The following STPG2 variants were observed in gnomAD, a reference collection of about 807,000 sequenced individuals.
The protein encoded by STPG2 is sperm-tail PG-rich repeat-containing protein 2.
A neutral mutation model predicts 54.2 loss-of-function variants in STPG2; 56 were observed. The observed-to-expected ratio is 1.03, with a 90% confidence interval of 0.83 to 1.29. STPG2 has a LOEUF of 1.29. Among genes scored for constraint, STPG2 ranks in the 50% most tolerant of loss-of-function variants. The probability of loss-of-function intolerance (pLI) is 0.00; values close to 1 mark genes in which losing one functional copy is unlikely to be tolerated. For missense variants in STPG2, 596 were observed against 544.9 expected (o/e 1.09, Z -0.93); for synonymous variants, 200 against 181.8 (o/e 1.10, Z -0.81).
intron 10 of STPG2, among the ~76,000 whole-genome samples, chr4:97,685,351 A>T (rs1434519277): frequency 6.6e-6 from 1 of 152,180 alleles, no homozygotes; most frequent in African/African-American, 2.4e-5. Flanking sequence ...ACTATGGAAC[A>T]TCCACACAAT....
At position 97,831,230 on chromosome 4, in the gene STPG2, G is replaced by A. The variant is rs1281471504; in HGVS notation, c.1204+9543C>T. ...CAGGATTAAAAGCTAACTCAAAACCGCACAACTACATGGAAACTGAACAAT... is the reference window on the plus strand; with the variant it reads ...CAGGATTAAAAGCTAACTCAAAACCACACAACTACATGGAAACTGAACAAT... On this transcript the variant is annotated intron_variant, in intron 9 of 10. Transcript: ENST00000295268. 5.9e-5 allele frequency among the ~76,000 whole-genome samples: 9 copies of A among 152,170 alleles called. No individual in the cohort carries two copies. In the East Asian group the frequency reaches 9.7e-4, roughly 16 times the overall value.
chr4:97,948,809 T>A (rs1733350829), intron 7 of STPG2, among the ~76,000 whole-genome samples: 1 of 152,130 alleles, frequency 6.6e-6, no homozygotes, highest in Non-Finnish European at 1.5e-5. Flanking sequence ...TCACATTTAT[T>A]GAGACTTGTT....
chr4:97,971,401 C>A (rs552597248), intron 7 of STPG2, among the ~76,000 whole-genome samples: 1 of 152,218 alleles, frequency 6.6e-6, no homozygotes, highest in South Asian at 2.1e-4. Flanking sequence ...TGGAACCAAT[C>A]CAAATGTCTA....
chr4:97,451,623 G>A (rs1389014798), intron 4 of STPG2, among the ~76,000 whole-genome samples: 1 of 152,012 alleles, frequency 6.6e-6, no homozygotes, highest in African/African-American at 2.4e-5. Flanking sequence ...AATACAGAAG[G>A]AAATAAGATC....
At chr4:98,003,048 T>C (rs1040926150) in intron 5 of STPG2, among the ~76,000 whole-genome samples, 6 of 152,118 alleles carry the variant, frequency 3.9e-5, no homozygotes, top group African/African-American at 1.4e-4. Context: ...TTCATTTCTC[T>C]TGCTAGCTTC....
intron 10 of STPG2, among the ~76,000 whole-genome samples, chr4:97,646,160 G>A (rs1721905968): frequency 6.6e-6 from 1 of 152,130 alleles, no homozygotes; most frequent in African/African-American, 2.4e-5. Context: ...ATGTGGTTTT[G>A]AAGATTTGTG....
intron 9 of STPG2, among the ~76,000 whole-genome samples, chr4:97,785,202 T>C (rs1395477778): frequency 6.6e-6 from 1 of 152,010 alleles, no homozygotes; most frequent in Non-Finnish European, 1.5e-5. Context: ...TAATAGAAAT[T>C]AAATGAAAAC....
At chr4:98,030,398 T>C (rs1271502493) in intron 5 of STPG2, among the ~76,000 whole-genome samples, 1 of 152,208 alleles carries the variant, frequency 6.6e-6, no homozygotes, top group African/African-American at 2.4e-5. Context: ...AATTCAGTAT[T>C]GTATCTGGCT....
intron 4 of STPG2, among the ~76,000 whole-genome samples, chr4:97,505,830 T>A (rs1430284644): frequency 6.6e-6 from 1 of 151,692 alleles, no homozygotes; most frequent in African/African-American, 2.4e-5. Flanking sequence ...AATTTATTAG[T>A]GGATGTATTA....
At chr4:97,674,566 TG>T (rs1722785408) in intron 10 of STPG2, among the ~76,000 whole-genome samples, 1 of 152,202 alleles carries the variant, frequency 6.6e-6, no homozygotes, top group Admixed American at 6.5e-5. Context: ...AAGATGGTGC[TG>T]AATCCTCTAC....
intron 10 of STPG2, among the ~76,000 whole-genome samples, chr4:97,565,218 G>C (rs964822188): frequency 6.6e-6 from 1 of 152,030 alleles, no homozygotes; most frequent in Non-Finnish European, 1.5e-5. Context: ...TCTTCCAGTT[G>C]ATCACATCAG....
At chr4:97,768,910 C>T (rs1726137107) in intron 9 of STPG2, among the ~76,000 whole-genome samples, 1 of 152,072 alleles carries the variant, frequency 6.6e-6, no homozygotes, top group Non-Finnish European at 1.5e-5. Context: ...CCACGTTAGC[C>T]AGGCTGGTCT....
intron 7 of STPG2, among the ~76,000 whole-genome samples, chr4:97,955,364 G>A (rs1733637771): frequency 6.6e-6 from 1 of 151,964 alleles, no homozygotes; most frequent in Admixed American, 6.6e-5. Flanking sequence ...ACAGGTGTCT[G>A]CCACCATGCC....
chr4:97,693,522 C>G (rs1462949254), intron 10 of STPG2, among the ~76,000 whole-genome samples: 1 of 151,956 alleles, frequency 6.6e-6, no homozygotes, highest in African/African-American at 2.4e-5. Context: ...CTGGAGATCC[C>G]AAATTTATAA....
chr4:97,994,760 G>C (rs1735149564), intron 5 of STPG2, among the ~76,000 whole-genome samples: 1 of 152,108 alleles, frequency 6.6e-6, no homozygotes, highest in African/African-American at 2.4e-5. Flanking sequence ...TAAGTGTACT[G>C]GTTTTGTGTT....
chr4:97,489,010 C>A (rs909105902), intron 4 of STPG2, among the ~76,000 whole-genome samples: 1 of 151,650 alleles, frequency 6.6e-6, no homozygotes, highest in Non-Finnish European at 1.5e-5. Flanking sequence ...ATGGGAAGAA[C>A]CCAGTGGGAG....
At chr4:97,650,287 G>C (rs1437210949) in intron 10 of STPG2, among the ~76,000 whole-genome samples, 1 of 152,150 alleles carries the variant, frequency 6.6e-6, no homozygotes, top group Non-Finnish European at 1.5e-5. Context: ...CTCTATCCTA[G>C]AAGACCAAAT....
At chr4:98,110,091 A>C (rs149264846) in intron 3 of STPG2, among the ~76,000 whole-genome samples, 302 of 152,272 alleles carry the variant, frequency 2.0e-3, no homozygotes, top group African/African-American at 7.1e-3. Context: ...AATGGTATTT[A>C]CTATAATTTC....
intron 5 of STPG2, among the ~76,000 whole-genome samples, chr4:98,087,932 T>C (rs1332752015): frequency 6.6e-6 from 1 of 152,208 alleles, no homozygotes; most frequent in Non-Finnish European, 1.5e-5. Flanking sequence ...ACTCCAAGAA[T>C]GGAATGATCT....
Sources: allele counts gnomAD v4.1 joint callset (sites outside exome capture counted in the v4.1 genomes callset), GRCh38; gene constraint gnomAD v4.1.1; transcripts MANE v1.5; gene names NCBI Gene and HGNC (gene_info 2026-07-23, HGNC 2026-07-21).